TAFA5: variants seen among roughly 807,000 people sequenced by gnomAD.
TAFA5 encodes chemokine-like protein TAFA-5.
Under a neutral mutation model 15.3 loss-of-function variants are expected in TAFA5, and 6 were observed. The observed-to-expected ratio is 0.39, with a 90% CI of 0.21 to 0.77. TAFA5 has a LOEUF of 0.77. Among genes scored for constraint, TAFA5 ranks in the 30% least tolerant of loss-of-function variants. The probability of loss-of-function intolerance (pLI) is 0.41; values close to 1 mark genes in which losing one functional copy is unlikely to be tolerated. For synonymous variants in TAFA5, 103 were observed against 80.7 expected (o/e 1.28, Z -1.48); for missense variants, 161 against 193.1 (o/e 0.83, Z 0.98).
At chr22:48,693,141 C>T in intron 2 of TAFA5, 2 of 716,254 alleles carry the variant, frequency 2.8e-6, no homozygotes, top group Non-Finnish European at 4.6e-6. Flanking sequence ...CAGGACGTGA[C>T]CTCGAGTCGA....
At chr22:48,694,847 G>A (rs1192494839) in intron 2 of TAFA5, among the ~76,000 whole-genome samples, 193 of 48,210 alleles carry the variant, frequency 4.0e-3, no homozygotes, top group African/African-American at 0.015. Flanking sequence ...CCCACCCCCC[G>A]CCGCTCCAGA....
At chr22:48,733,211 A>G (rs781140982) in intron 3 of TAFA5, among the ~76,000 whole-genome samples, 1 of 152,246 alleles carries the variant, frequency 6.6e-6, no homozygotes, top group African/African-American at 2.4e-5. Flanking sequence ...AGATGCTGGG[A>G]AAGTCACTAG....
intron 2 of TAFA5, among the ~76,000 whole-genome samples, chr22:48,653,595 A>AAG (rs1160258232): frequency 1.3e-5 from 2 of 152,030 alleles, no homozygotes; most frequent in Non-Finnish European, 2.9e-5. Flanking sequence ...GTTTTACCAG[A>AAG]AGGGAGCAAG....
rs533308364 is a variant in TAFA5, at chr22:48,742,679, C to T, written c.391-7160C>T. Among the ~76,000 whole-genome samples the T allele has an allele frequency of 6.6e-6, 1 of 151,676 alleles. No homozygotes were observed. Among genetic ancestry groups the T allele is most frequent in the African/African-American group, 2.4e-5 (1 of 41,218 alleles). ...GGACCAGGCAACGTGGTAGACCGGG[C>T]AGTGTGATGGACCAGGCGACGTGGT... On this transcript the variant is annotated intron_variant, in intron 3 of 3. Transcript: ENST00000402357. The surrounding 1 kb of genome is among the most constrained non-coding windows in gnomAD (Gnocchi z 6.2).
At chr22:48,670,853 ACT>A (rs1277314350) in intron 2 of TAFA5, among the ~76,000 whole-genome samples, 1 of 152,218 alleles carries the variant, frequency 6.6e-6, no homozygotes, top group East Asian at 1.9e-4. Context: ...GCCTCTGGTG[ACT>A]CTCTGTACAA....
chr22:48,527,020 C>T (rs1921803580), intron 1 of TAFA5, among the ~76,000 whole-genome samples: 1 of 152,192 alleles, frequency 6.6e-6, no homozygotes, highest in South Asian at 2.1e-4. Flanking sequence ...CCCACTATAA[C>T]TTTAATTTTT....
At chr22:48,596,950 G>A (rs369142074) in intron 1 of TAFA5, among the ~76,000 whole-genome samples, 8 of 152,176 alleles carry the variant, frequency 5.3e-5, no homozygotes, top group African/African-American at 1.9e-4. Context: ...TGGGATCACA[G>A]GTGTGCACCC....
At chr22:48,645,874 G>A (rs1926841783) in intron 1 of TAFA5, among the ~76,000 whole-genome samples, 1 of 152,142 alleles carries the variant, frequency 6.6e-6, no homozygotes, top group Non-Finnish European at 1.5e-5. Context: ...GCGTGCCTGT[G>A]GCTCACTCCA....
intron 1 of TAFA5, among the ~76,000 whole-genome samples, chr22:48,580,378 G>A (rs1923991617): frequency 6.6e-6 from 1 of 152,196 alleles, no homozygotes; most frequent in Non-Finnish European, 1.5e-5. Context: ...CTGTTAGATG[G>A]ATCAGTTTAT....
rs374533226 is a variant in TAFA5, at chr22:48,574,883, G to A, written c.113-71714G>A. On this transcript the variant is annotated intron_variant, in intron 1 of 3. Transcript: ENST00000402357. ...ACAAAGACCCTTTCTTCCTAGAGGC[G>A]GGAAGGGAGGCAGTGCAGGGAGGCA... 3.3e-5 allele frequency among the ~76,000 whole-genome samples: 5 copies of A among 152,332 alleles called. No individual in the cohort carries two copies. In the East Asian group the frequency reaches 7.7e-4, roughly 24 times the overall value.
At chr22:48,589,719 A>G (rs1924491939) in intron 1 of TAFA5, among the ~76,000 whole-genome samples, 1 of 152,138 alleles carries the variant, frequency 6.6e-6, no homozygotes, top group African/African-American at 2.4e-5. Context: ...CCTCGTGAAG[A>G]TAGCGCAGGG....
rs372317614 is a variant in TAFA5, at chr22:48,491,630, A to C, written c.112+1926A>C. ...CGAGCCCGCGAGGAGCGCGGTACAC[A>C]CTGTCTCAAGACACGCAGCGTCAGC... On this transcript the variant is annotated intron_variant, in intron 1 of 3. Transcript: ENST00000402357. 2.0e-5 allele frequency among the ~76,000 whole-genome samples: 3 copies of C among 152,350 alleles called. No homozygotes were observed. The East Asian group carries it at 5.8e-4, about 29-fold the overall frequency.
intron 1 of TAFA5, among the ~76,000 whole-genome samples, chr22:48,536,448 G>T (rs546254604): frequency 4.6e-5 from 7 of 152,244 alleles, no homozygotes; most frequent in Admixed American, 3.3e-4. Context: ...GAGCCGGCGC[G>T]GGTGGGTAAC....
chr22:48,656,093 C>T (rs5771685), intron 2 of TAFA5, among the ~76,000 whole-genome samples: 96,778 of 151,106 alleles, frequency 0.64, 31,918 homozygotes, highest in South Asian at 0.77. Flanking sequence ...CCATCTGCCT[C>T]GGTCTCCCAA....
chr22:48,511,825 G>A (rs73441631), intron 1 of TAFA5, among the ~76,000 whole-genome samples: 5,671 of 152,354 alleles, frequency 0.037, 268 homozygotes, highest in African/African-American at 0.11. Flanking sequence ...GCAACTGCCC[G>A]CTTGTGCCTG....
At chr22:48,599,044 C>T (rs1453771606) in intron 1 of TAFA5, among the ~76,000 whole-genome samples, 1 of 152,212 alleles carries the variant, frequency 6.6e-6, no homozygotes, top group Non-Finnish European at 1.5e-5. Context: ...CCCCCATGTC[C>T]TCTCTGGGCA....
intron 2 of TAFA5, among the ~76,000 whole-genome samples, chr22:48,647,348 A>G (rs1304641708): frequency 1.3e-5 from 2 of 152,044 alleles, no homozygotes; most frequent in Non-Finnish European, 2.9e-5. Context: ...CTGAGTGAAC[A>G]CTTGGAAAGG....
chr22:48,733,004 T>G (rs1466163267), intron 3 of TAFA5, among the ~76,000 whole-genome samples: 1 of 152,208 alleles, frequency 6.6e-6, no homozygotes, highest in African/African-American at 2.4e-5. Flanking sequence ...CTGAGTAGAC[T>G]GCAGTATAAT....
intron 1 of TAFA5, among the ~76,000 whole-genome samples, chr22:48,601,674 G>C (rs550813206): frequency 4.6e-5 from 7 of 152,112 alleles, no homozygotes; most frequent in Non-Finnish European, 1.0e-4. Flanking sequence ...AATTTAAAAG[G>C]TGCAAAGCAG....
Sources: allele counts gnomAD v4.1 joint callset (sites outside exome capture counted in the v4.1 genomes callset), GRCh38; gene constraint gnomAD v4.1.1; non-coding constraint Gnocchi (gnomAD v3.1); transcripts MANE v1.5; gene names NCBI Gene and HGNC (gene_info 2026-07-23, HGNC 2026-07-21).